CDH4: variants seen among roughly 807,000 people sequenced by gnomAD.
The protein encoded by CDH4 is cadherin-4.
In CDH4, 33 loss-of-function variants were observed where a neutral mutation model predicts 86.0. The observed-to-expected ratio is 0.38, with a 90% CI of 0.29 to 0.51. The LOEUF (loss-of-function observed/expected upper bound fraction) is 0.51, where lower values mean the gene tolerates loss of function less well. CDH4 is among the 20% of genes least tolerant of loss of function. CDH4 has a pLI of 0.86. For synonymous variants in CDH4, 555 were observed against 549.4 expected, an observed-to-expected ratio of 1.01 and a Z score of -0.14; for missense variants, 1,114 against 1,307.4, an observed-to-expected ratio of 0.85 and a Z score of 2.28.
chr20:61,443,035 C>T (rs531730507), intron 2 of CDH4, among the ~76,000 whole-genome samples: 4 of 152,318 alleles, frequency 2.6e-5, no homozygotes, highest in African/African-American at 7.2e-5. Flanking sequence ...GCCAGTGTGT[C>T]TTGGAGACCA....
chr20:61,894,519 T>G (rs1051628756), intron 7 of CDH4, among the ~76,000 whole-genome samples: 6 of 152,182 alleles, frequency 3.9e-5, no homozygotes, highest in Admixed American at 1.3e-4. Flanking sequence ...CCCGCGTCTG[T>G]GGGGCATCCC....
chr20:61,685,063 G>T (rs895751945), intron 2 of CDH4, among the ~76,000 whole-genome samples: 1 of 152,076 alleles, frequency 6.6e-6, no homozygotes, highest in Admixed American at 6.5e-5. Flanking sequence ...GGGAAACCCC[G>T]TACCCATAAG....
intron 3 of CDH4, among the ~76,000 whole-genome samples, chr20:61,762,531 G>T (rs553925496): frequency 6.6e-6 from 1 of 152,178 alleles, no homozygotes; most frequent in Non-Finnish European, 1.5e-5. Context: ...TTCCCAGCTC[G>T]GGGCTGTTGC....
intron 2 of CDH4, among the ~76,000 whole-genome samples, chr20:61,602,055 C>T (rs1245679697): frequency 6.6e-6 from 1 of 152,200 alleles, no homozygotes. Context: ...CAAGAATGCA[C>T]CTTCTCCGGG....
chr20:61,512,665 G>A (rs954024456), intron 2 of CDH4, among the ~76,000 whole-genome samples: 2 of 152,230 alleles, frequency 1.3e-5, no homozygotes, highest in Non-Finnish European at 1.5e-5. Flanking sequence ...TGACATGCCA[G>A]GGCAGCGTTT....
At chr20:61,328,513 G>T (rs1260826280) in intron 2 of CDH4, among the ~76,000 whole-genome samples, 1 of 152,246 alleles carries the variant, frequency 6.6e-6, no homozygotes, top group Non-Finnish European at 1.5e-5. Context: ...GCCAGGTGCA[G>T]TGGCTCACAC....
At chr20:61,407,014 A>G (rs928110632) in intron 2 of CDH4, among the ~76,000 whole-genome samples, 2 of 146,786 alleles carry the variant, frequency 1.4e-5, no homozygotes, top group Non-Finnish European at 3.0e-5. Context: ...CCGGACCACC[A>G]TCTGCTCTGC....
chr20:61,266,469 A>C (rs1171602518), intron 2 of CDH4, among the ~76,000 whole-genome samples: 1 of 151,932 alleles, frequency 6.6e-6, no homozygotes, highest in African/African-American at 2.4e-5. Flanking sequence ...GGCCACCCAA[A>C]TGTGAGTTGA....
At chr20:61,846,047 G>A (rs191614496) in intron 5 of CDH4, among the ~76,000 whole-genome samples, 98 of 152,378 alleles carry the variant, frequency 6.4e-4, no homozygotes, top group African/African-American at 2.2e-3. Context: ...GGGCGTTGAC[G>A]GGAGAAGATC....
intron 3 of CDH4, among the ~76,000 whole-genome samples, chr20:61,769,679 G>C (rs1290216897): frequency 6.6e-6 from 1 of 152,154 alleles, no homozygotes; most frequent in Non-Finnish European, 1.5e-5. Context: ...GAATGATGGT[G>C]CTCCCCGCTG....
At chr20:61,281,448 C>T (rs1343195571) in intron 2 of CDH4, among the ~76,000 whole-genome samples, 2 of 152,224 alleles carry the variant, frequency 1.3e-5, no homozygotes, top group African/African-American at 4.8e-5. Flanking sequence ...ACGGAACCTG[C>T]CGGCGCCTTG....
intron 2 of CDH4, among the ~76,000 whole-genome samples, chr20:61,296,299 G>A (rs1047961979): frequency 6.0e-5 from 9 of 149,270 alleles, no homozygotes; most frequent in African/African-American, 1.5e-4. Flanking sequence ...GTGTGTGTGC[G>A]TGGGTGCGTG....
At chr20:61,430,902 A>G (rs1207146013) in intron 2 of CDH4, among the ~76,000 whole-genome samples, 2 of 152,222 alleles carry the variant, frequency 1.3e-5, no homozygotes, top group East Asian at 1.9e-4. Flanking sequence ...TGGTGCCTGC[A>G]GCCCCCAGGC....
chr20:61,801,145 G>C (rs146632101), intron 4 of CDH4, among the ~76,000 whole-genome samples: 4 of 152,178 alleles, frequency 2.6e-5, no homozygotes, highest in Non-Finnish European at 4.4e-5. Context: ...CCTGCCTCCC[G>C]TTGGGAGGTG....
chr20:61,932,892 C>T (rs2055130887), intron 13 of CDH4, 93 bp from the exon 14 acceptor site: 1 of 1,501,274 alleles, frequency 6.7e-7, no homozygotes, highest in Admixed American at 1.9e-5. Flanking sequence ...GTGCCACCTG[C>T]ATGTACATGC....
At position 61,895,055 on chromosome 20, in the gene CDH4, C is replaced by T; in HGVS notation, c.1188+8C>T. ...GAATTTACCGCCAGCACGGTGAGTC[C>T]CTCGAAGCTGCCCAGTGACGCATGG... On this transcript the variant is annotated splice_region_variant and intron_variant, in intron 8 of 15. Transcript: ENST00000614565. The T allele has an allele frequency of 6.2e-7, 1 of 1,612,948 alleles. No homozygotes were observed. The highest frequency in any genetic ancestry group is 1.1e-5 in the South Asian group (1 of 90,966).
In CDH4 at chr20:61,383,289, T is replaced by A. The variant is rs534202036; in HGVS notation, c.169+128352T>A. Among the ~76,000 whole-genome samples, 107 of 122,460 alleles carry A rather than the reference T, an allele frequency of 8.7e-4. 7 individuals carry two copies. The East Asian group carries it at 0.021, about 24-fold the overall frequency. The allele number at this position is 122,460 out of a possible 152,430, so 80.3% of individuals were successfully genotyped here. On this transcript the variant is annotated intron_variant, in intron 2 of 15. Coordinates refer to ENST00000614565, the MANE Select transcript of CDH4 (RefSeq NM_001794.5). ...GATATATATGAATATATGATATATATGAATATATGTGATATATATGAATAT... is the reference window on the plus strand; with the variant it reads ...GATATATATGAATATATGATATATAAGAATATATGTGATATATATGAATAT...
At chr20:61,349,340 G>A (rs757580959) in intron 2 of CDH4, among the ~76,000 whole-genome samples, 1 of 152,260 alleles carries the variant, frequency 6.6e-6, no homozygotes, top group African/African-American at 2.4e-5. Flanking sequence ...GCAGCCGGGT[G>A]TGGCAGCTCC....
At position 61,328,466 on chromosome 20, in the gene CDH4, C is replaced by T. The variant is rs113691964; in HGVS notation, c.169+73529C>T. ...CTGGGATTACAGGCGTGAGCCACCG[C>T]GCCCGGCCCAAAATTGCTGTTTTTA... On this transcript the variant is annotated intron_variant, in intron 2 of 15. Transcript: ENST00000614565. Among the ~76,000 whole-genome samples the T allele has an allele frequency of 2.5e-3, 375 of 152,304 alleles. 1 individual carries two copies. The highest frequency in any genetic ancestry group is 8.6e-3 in the African/African-American group (357 of 41,570).
Sources: gnomAD v4.1 joint callset for allele counts (sites outside exome capture counted in the v4.1 genomes callset) on GRCh38, gnomAD v4.1.1 for gene constraint, MANE v1.5 for transcripts, NCBI Gene and HGNC (gene_info 2026-07-23, HGNC 2026-07-21) for gene names.